Variants in IL1RAPL1 observed in about 807,000 individuals in gnomAD.
IL1RAPL1 encodes interleukin 1 receptor accessory protein like 1, also known as interleukin-1 receptor accessory protein-like 1.
IL1RAPL1 carries 3 observed loss-of-function variants against 48.4 expected under a neutral mutation model. That is an observed-to-expected ratio of 0.06 (90% CI 0.03 to 0.16). IL1RAPL1 has a LOEUF of 0.16. Among genes scored for constraint, IL1RAPL1 ranks in the 10% least tolerant of loss-of-function variants. The probability of loss-of-function intolerance (pLI) is 1.00; values close to 1 mark genes in which losing one functional copy is unlikely to be tolerated. For missense variants in IL1RAPL1, 349 were observed against 530.6 expected (o/e 0.66, Z 3.36); for synonymous variants, 185 against 187.7 (o/e 0.99, Z 0.12).
intron 2 of IL1RAPL1, among the ~76,000 whole-genome samples, chrX:29,003,005 A>G (rs12856400): frequency 9.0e-6 from 1 of 111,215 alleles, no homozygotes; most frequent in Admixed American, 9.6e-5. Flanking sequence ...GAAAATGTAC[A>G]CACTGAATAC....
In IL1RAPL1 at chrX:28,791,237, A is replaced by G. The variant is rs1936536708; in HGVS notation, c.82+1812A>G. Among the ~76,000 whole-genome samples the G allele has an allele frequency of 3.6e-5, 4 of 111,442 alleles. No homozygotes were observed. In the Admixed American group the frequency reaches 3.8e-4, roughly 11 times the overall value. ...CTCTAATTTGGGGGCAAGAAATTTTATCAAACTGGGACTTACTTTGTGTGT... is the reference window on the plus strand; with the variant it reads ...CTCTAATTTGGGGGCAAGAAATTTTGTCAAACTGGGACTTACTTTGTGTGT... On this transcript the variant is annotated intron_variant, in intron 2 of 10. Transcript: ENST00000378993.
At chrX:29,913,459 T>G (rs142184600) in intron 6 of IL1RAPL1, among the ~76,000 whole-genome samples, 3,665 of 105,991 alleles carry the variant, frequency 0.035, 143 homozygotes, top group African/African-American at 0.11. Context: ...TACATATATA[T>G]AGAGAGAAAA....
chrX:29,113,230 C>T (rs1787761842), intron 2 of IL1RAPL1, among the ~76,000 whole-genome samples: 1 of 112,065 alleles, frequency 8.9e-6, no homozygotes, highest in African/African-American at 3.2e-5. Context: ...GGGAAATGTT[C>T]CCTGATGGAA....
At chrX:29,697,451 C>T (rs969963421) in intron 6 of IL1RAPL1, among the ~76,000 whole-genome samples, 2 of 111,988 alleles carry the variant, frequency 1.8e-5, no homozygotes, top group Admixed American at 9.5e-5. Flanking sequence ...GATGTTTCCA[C>T]AATGTTTTTA....
intron 5 of IL1RAPL1, among the ~76,000 whole-genome samples, chrX:29,501,054 T>C (rs1935267562): frequency 8.9e-6 from 1 of 112,052 alleles, no homozygotes; most frequent in Non-Finnish European, 1.9e-5. Context: ...AATAATGATA[T>C]TGAAAATTTT....
At chrX:28,906,510 A>G (rs1923219693) in intron 2 of IL1RAPL1, among the ~76,000 whole-genome samples, 1 of 111,789 alleles carries the variant, frequency 8.9e-6, no homozygotes, top group African/African-American at 3.3e-5. Context: ...AGAGTGAAAT[A>G]AGCATTAAGA....
At chrX:29,905,929 G>C (rs889368238) in intron 6 of IL1RAPL1, among the ~76,000 whole-genome samples, 2 of 111,298 alleles carry the variant, frequency 1.8e-5, no homozygotes, top group Admixed American at 1.9e-4. Context: ...GAAATGTTGA[G>C]ATGAATTGTA....
chrX:28,922,565 T>A (rs1304609255), intron 2 of IL1RAPL1, among the ~76,000 whole-genome samples: 1 of 111,915 alleles, frequency 8.9e-6, no homozygotes, highest in Non-Finnish European at 1.9e-5. Context: ...CAGAACAGGG[T>A]CATCTTTTTA....
At chrX:29,655,081 G>A (rs1033778852) in intron 5 of IL1RAPL1, among the ~76,000 whole-genome samples, 1 of 111,419 alleles carries the variant, frequency 9.0e-6, no homozygotes. Context: ...ATTGGGTCAT[G>A]TAATCATTAA....
At chrX:28,851,063 A>T (rs940594607) in intron 2 of IL1RAPL1, among the ~76,000 whole-genome samples, 1 of 104,476 alleles carries the variant, frequency 9.6e-6, no homozygotes, top group African/African-American at 3.5e-5. Context: ...GTCGGAAAAC[A>T]CTTTCACAGG....
chrX:29,872,491 ATAT>A (rs1931819444), intron 6 of IL1RAPL1, among the ~76,000 whole-genome samples: 1 of 111,451 alleles, frequency 9.0e-6, no homozygotes, highest in Middle Eastern at 4.2e-3. Context: ...TAATGCAATA[ATAT>A]TAAGAGGTGA....
At position 29,712,395 on chromosome X, in the gene IL1RAPL1, TAATA is replaced by T. The variant is rs751949691; in HGVS notation, c.778+43897_778+43900del. On this transcript the variant is annotated intron_variant, in intron 6 of 10. Transcript: ENST00000378993. Reference sequence around the variant, plus strand: ...ATGCTATACAAGCTGGCGTGTCAAATAATAAATAATTTTAAAATAGGACAAGGAC... The same window carrying T: ...ATGCTATACAAGCTGGCGTGTCAAATAATAATTTTAAAATAGGACAAGGAC... 3.6e-5 allele frequency among the ~76,000 whole-genome samples: 4 copies of T among 111,827 alleles called. No homozygotes were observed. The South Asian group carries it at 1.1e-3, about 30-fold the overall frequency.
chrX:28,753,296 G>A (rs994806938), intron 1 of IL1RAPL1, among the ~76,000 whole-genome samples: 7 of 112,348 alleles, frequency 6.2e-5, no homozygotes, highest in Non-Finnish European at 1.1e-4. Context: ...TTTTTCTCAC[G>A]TGCTTGCCTA....
chrX:28,718,334 T>C lies in IL1RAPL1; in HGVS notation c.-24-70986T>C, dbSNP rs371254390. Among the ~76,000 whole-genome samples the C allele has an allele frequency of 6.2e-5, 7 of 112,026 alleles. No homozygotes were observed. In the Admixed American group the frequency reaches 6.7e-4, roughly 11 times the overall value. On this transcript the variant is annotated intron_variant, in intron 1 of 10. Coordinates refer to ENST00000378993, the MANE Select transcript of IL1RAPL1 (RefSeq NM_014271.4). Reference sequence around the variant, plus strand: ...TCAAATTTATAAATGAATTAAAAAATAAACTAAACCAGACTAATTTGCTTT... The same window carrying C: ...TCAAATTTATAAATGAATTAAAAAACAAACTAAACCAGACTAATTTGCTTT...
chrX:29,675,374 G>T (rs1212647708), intron 6 of IL1RAPL1, among the ~76,000 whole-genome samples: 1 of 111,848 alleles, frequency 8.9e-6, no homozygotes, highest in Non-Finnish European at 1.9e-5. Context: ...GAGCAATGCA[G>T]AGAGTCCATT....
intron 2 of IL1RAPL1, among the ~76,000 whole-genome samples, chrX:29,099,554 C>A (rs1928289266): frequency 8.9e-6 from 1 of 111,733 alleles, no homozygotes; most frequent in Non-Finnish European, 1.9e-5. Context: ...AAATAGTGGG[C>A]AGAACTGAGA....
At chrX:28,985,605 A>G (rs1230427084) in intron 2 of IL1RAPL1, among the ~76,000 whole-genome samples, 36 of 111,956 alleles carry the variant, frequency 3.2e-4, no homozygotes, top group Non-Finnish European at 4.3e-4. Flanking sequence ...GGTGCTGAAT[A>G]CCAATTAACA....
At chrX:29,122,058 G>A (rs1424574322) in intron 2 of IL1RAPL1, among the ~76,000 whole-genome samples, 1 of 110,980 alleles carries the variant, frequency 9.0e-6, no homozygotes, top group Admixed American at 9.7e-5. Flanking sequence ...ATTATTCTCT[G>A]AAATACTCTT....
chrX:28,688,646 A>G (rs754368318), intron 1 of IL1RAPL1, among the ~76,000 whole-genome samples: 1 of 112,142 alleles, frequency 8.9e-6, no homozygotes, highest in East Asian at 2.8e-4. Flanking sequence ...GGGGCTTGTC[A>G]AAAGCAATCA....
Sources: allele counts gnomAD v4.1 joint callset (sites outside exome capture counted in the v4.1 genomes callset), GRCh38; gene constraint gnomAD v4.1.1; transcripts MANE v1.5; gene names NCBI Gene and HGNC (gene_info 2026-07-23, HGNC 2026-07-21).